The following PAK5 variants were observed in gnomAD, a reference collection of about 807,000 sequenced individuals.
The protein encoded by PAK5 is p21 (RAC1) activated kinase 5, also known as serine/threonine-protein kinase PAK 5.
A neutral mutation model predicts 65.9 loss-of-function variants in PAK5; 16 were observed. The ratio of observed to expected loss-of-function variants is 0.24; its 90% CI spans 0.16 to 0.37. PAK5 has a LOEUF of 0.37. PAK5 is among the 10% of genes least tolerant of loss of function. PAK5 has a pLI of 1.00. For synonymous variants in PAK5, 371 were observed against 354.9 expected (o/e 1.05, Z -0.51); for missense variants, 785 against 903.9 (o/e 0.87, Z 1.69).
intron 2 of PAK5, among the ~76,000 whole-genome samples, chr20:9,654,021 T>C (rs6056780): frequency 0.047 from 7,120 of 151,456 alleles, 531 homozygotes; most frequent in African/African-American, 0.16. Flanking sequence ...TGTAGTGTGA[T>C]CTTGGTGATC....
At chr20:9,667,206 G>A (rs1170748659) in intron 2 of PAK5, among the ~76,000 whole-genome samples, 1 of 152,130 alleles carries the variant, frequency 6.6e-6, no homozygotes, top group Non-Finnish European at 1.5e-5. Context: ...GAACCTGGGA[G>A]GCAGAGGTTG....
chr20:9,618,743 T>G (rs912070231), intron 3 of PAK5, among the ~76,000 whole-genome samples: 2 of 151,628 alleles, frequency 1.3e-5, no homozygotes, highest in East Asian at 3.9e-4. Context: ...TCATCAAATC[T>G]TTATTGAGCA....
At chr20:9,572,749 G>A (rs2045812761) in intron 4 of PAK5, among the ~76,000 whole-genome samples, 1 of 152,244 alleles carries the variant, frequency 6.6e-6, no homozygotes. Flanking sequence ...AGGGCACGGA[G>A]TGCAGAGCAA....
chr20:9,820,637 G>T (rs1002747048), intron 1 of PAK5, among the ~76,000 whole-genome samples: 16 of 152,176 alleles, frequency 1.1e-4, no homozygotes, highest in Non-Finnish European at 1.3e-4. Context: ...CTTCCTTCCT[G>T]CCTCTTCCAG....
intron 1 of PAK5, among the ~76,000 whole-genome samples, chr20:9,785,017 TA>T (rs1424262624): frequency 6.6e-6 from 1 of 152,046 alleles, no homozygotes; most frequent in Non-Finnish European, 1.5e-5. Context: ...GCCGTCATAT[TA>T]TACTAGATTC....
At chr20:9,785,666 G>A (rs2048984838) in intron 1 of PAK5, among the ~76,000 whole-genome samples, 1 of 152,254 alleles carries the variant, frequency 6.6e-6, no homozygotes, top group African/African-American at 2.4e-5. Flanking sequence ...GGAAAAAAAT[G>A]TCTAAGGCAT....
intron 7 of PAK5, among the ~76,000 whole-genome samples, chr20:9,547,551 TG>T (rs1404718865): frequency 2.0e-5 from 3 of 152,186 alleles, no homozygotes; most frequent in Non-Finnish European, 4.4e-5. Flanking sequence ...AGCTAGTAAC[TG>T]GAAGAGCCAG....
At chr20:9,831,622 C>T (rs1208948941) in intron 1 of PAK5, among the ~76,000 whole-genome samples, 1 of 152,180 alleles carries the variant, frequency 6.6e-6, no homozygotes, top group Non-Finnish European at 1.5e-5. Flanking sequence ...TTCCTTCCAC[C>T]TCAGCCTCCT....
chr20:9,721,125 A>G (rs2048207861), intron 1 of PAK5, among the ~76,000 whole-genome samples: 2 of 152,176 alleles, frequency 1.3e-5, no homozygotes, highest in African/African-American at 4.8e-5. Context: ...ATAAATATGC[A>G]AAATAAAACA....
chr20:9,560,535 T>G (rs185695618), intron 6 of PAK5, among the ~76,000 whole-genome samples: 1 of 152,252 alleles, frequency 6.6e-6, no homozygotes, highest in Non-Finnish European at 1.5e-5. Context: ...AATTTTTAAA[T>G]TTTTTTAATA....
At chr20:9,684,005 GGA>G (rs763985074) in intron 2 of PAK5, among the ~76,000 whole-genome samples, 12 of 152,198 alleles carry the variant, frequency 7.9e-5, no homozygotes, top group Non-Finnish European at 1.2e-4. Flanking sequence ...TGCGGACAGA[GGA>G]GAGTGGAACA....
chr20:9,679,734 A>T (rs374537874), intron 2 of PAK5, among the ~76,000 whole-genome samples: 3 of 152,356 alleles, frequency 2.0e-5, no homozygotes, highest in African/African-American at 7.2e-5. Context: ...ATTTCCCAAC[A>T]TCACTGCTTC....
rs148980985 is a variant in PAK5 at position 9,708,422 on chromosome 20, G to A, written c.-12+2864C>T. 7.0e-4 allele frequency among the ~76,000 whole-genome samples: 107 copies of A among 152,096 alleles called. 1 individual carries two copies. Among genetic ancestry groups the A allele is most frequent in the African/African-American group, 2.4e-3 (101 of 41,470 alleles). On this transcript the variant is annotated intron_variant, in intron 2 of 9. Transcript: ENST00000353224. ...TATAAATATCTCCCACCTGACAGAG[G>A]GGATATCCAACATATAAGAATTAAA...
intron 4 of PAK5, among the ~76,000 whole-genome samples, chr20:9,567,959 G>T (rs955289344): frequency 6.6e-6 from 1 of 152,172 alleles, no homozygotes; most frequent in Non-Finnish European, 1.5e-5. Context: ...CCTTTCCTAG[G>T]AGGGGTGGTT....
intron 7 of PAK5, 21 bp downstream of exon 7, chr20:9,557,587 G>A (rs1397171686): frequency 6.3e-7 from 1 of 1,598,410 alleles, no homozygotes; most frequent in Admixed American, 1.7e-5. Context: ...ACTACGAACG[G>A]GCCAAACATG....
intron 1 of PAK5, among the ~76,000 whole-genome samples, chr20:9,803,204 A>G (rs1299769227): frequency 2.6e-5 from 4 of 152,030 alleles, no homozygotes; most frequent in Non-Finnish European, 4.4e-5. Context: ...CAAACACTGC[A>G]CAAGAGTAGC....
At chr20:9,738,291 A>G (rs899357486) in intron 1 of PAK5, among the ~76,000 whole-genome samples, 1 of 152,198 alleles carries the variant, frequency 6.6e-6, no homozygotes, top group Non-Finnish European at 1.5e-5. Flanking sequence ...TGCCTACTAT[A>G]TGATCCAGCC....
At chr20:9,804,783 T>C (rs2049212012) in intron 1 of PAK5, among the ~76,000 whole-genome samples, 1 of 152,112 alleles carries the variant, frequency 6.6e-6, no homozygotes, top group Admixed American at 6.5e-5. Context: ...GTGTGATGGC[T>C]CATGTCTGTA....
At chr20:9,657,889 A>G (rs2047290856) in intron 2 of PAK5, among the ~76,000 whole-genome samples, 1 of 152,214 alleles carries the variant, frequency 6.6e-6, no homozygotes, top group Admixed American at 6.5e-5. Flanking sequence ...ATTTAAGAGG[A>G]GAATGAAGTG....
Sources: allele counts gnomAD v4.1 joint callset (sites outside exome capture counted in the v4.1 genomes callset), GRCh38; gene constraint gnomAD v4.1.1; transcripts MANE v1.5; gene names NCBI Gene and HGNC (gene_info 2026-07-23, HGNC 2026-07-21).